The following PPM1A variants were observed in gnomAD, a reference collection of about 807,000 sequenced individuals.
The protein encoded by PPM1A is protein phosphatase 1A.
Under a neutral mutation model 35.0 loss-of-function variants are expected in PPM1A, and 7 were observed. That is an observed-to-expected ratio of 0.20 (90% CI 0.11 to 0.38). The LOEUF (loss-of-function observed/expected upper bound fraction) is 0.38. Ranked by LOEUF, PPM1A falls within the 10% of genes least tolerant of loss-of-function variation. PPM1A has a pLI of 1.00. For missense variants in PPM1A, 239 were observed against 467.8 expected, an observed-to-expected ratio of 0.51 and a Z score of 4.51; for synonymous variants, 153 against 167.3, an observed-to-expected ratio of 0.91 and a Z score of 0.66.
Position 60,283,390 on chromosome 14 carries a change from A to T in PPM1A, c.687A>T (p.Glu229Asp), listed in dbSNP as rs753724691. The T allele has an allele frequency of 3.0e-5, 48 of 1,614,118 alleles. No homozygotes were observed. The highest frequency in any genetic ancestry group is 4.4e-5 in the South Asian group (4 of 91,092). ...PEVHDIERSEEDDQFIILACD... is the reference protein window; with the variant it reads ...PEVHDIERSEDDDQFIILACD... ...TCCATGATATTGAAAGATCTGAAGAAGATGATCAGTTCATTATCCTTGCAT... is the reference window on the plus strand; with the variant it reads ...TCCATGATATTGAAAGATCTGAAGATGATGATCAGTTCATTATCCTTGCAT... Residue 229 changes from glutamate to aspartate, a missense_variant, in exon 2 of 6, where the codon GAA becomes GAT. Physicochemically the swap from Glu to Asp is conservative, Grantham distance 45. Transcript: ENST00000395076. This position sits in a 1 kb window ranked among gnomAD's most constrained non-coding sequence, Gnocchi z 6.3.
Position 60,249,693 on chromosome 14 carries a change from G to C in PPM1A, c.-21+16G>C, listed in dbSNP as rs1595246690. ...GCTGCTCCGGGTAAGTGCGGCGCTC[G>C]GGCCGACGGCGGGCTGGCGGGCGGT... On this transcript the variant is annotated intron_variant, in intron 1 of 5. Coordinates refer to ENST00000395076, the MANE Select transcript of PPM1A (RefSeq NM_021003.5). The surrounding 1 kb of genome is among the most constrained non-coding windows in gnomAD (Gnocchi z 4.5). 8.1e-6 allele frequency: 8 copies of C among 983,764 alleles called. No homozygotes were observed. In the South Asian group the frequency reaches 2.7e-4, roughly 33 times the overall value. 60.9% of individuals were successfully genotyped at this position (983,764 alleles called of 1,614,324 possible).
chr14:60,274,712 A>G (rs1426894308), intron 1 of PPM1A, among the ~76,000 whole-genome samples: 3 of 97,436 alleles, frequency 3.1e-5, no homozygotes, highest in African/African-American at 1.5e-4. Flanking sequence ...GTAGTATCCA[A>G]TCTGCCATTC....
intron 1 of PPM1A, among the ~76,000 whole-genome samples, chr14:60,276,063 T>G (rs1218116270): frequency 1.3e-5 from 2 of 152,200 alleles, no homozygotes; most frequent in Non-Finnish European, 2.9e-5. Flanking sequence ...ACCCCAGGTA[T>G]GCAGTATATT....
At chr14:60,280,862 G>C (rs943331890) in intron 1 of PPM1A, among the ~76,000 whole-genome samples, 11 of 152,204 alleles carry the variant, frequency 7.2e-5, no homozygotes, top group Non-Finnish European at 1.6e-4. Flanking sequence ...AAAGTCCACA[G>C]ATAATTCTGT....
At chr14:60,276,469 G>T (rs1885773086) in intron 1 of PPM1A, among the ~76,000 whole-genome samples, 1 of 152,098 alleles carries the variant, frequency 6.6e-6, no homozygotes. Context: ...CTAGTTACCA[G>T]TATCCACCCT....
In PPM1A at chr14:60,298,603, C is replaced by T. The variant is rs1196315174; in HGVS notation, c.*6121C>T. ...ATCCCTTGACTAAATAGCATATCTG[C>T]AGGAAAATATCTTGTTTGTAGTGAT... On this transcript the variant is annotated 3_prime_UTR_variant, in exon 6 of 6. Coordinates refer to ENST00000395076, the MANE Select transcript of PPM1A (RefSeq NM_021003.5). The T allele has an allele frequency of 1.3e-5, 2 of 151,682 alleles. No homozygotes were observed. Among genetic ancestry groups the T allele is most frequent in the Non-Finnish European group, 3.0e-5 (2 of 67,716 alleles). The allele number at this position is 151,682 out of a possible 1,614,324, so 9.4% of individuals were successfully genotyped here.
chr14:60,259,544 T>C (rs1233662641), intron 1 of PPM1A, among the ~76,000 whole-genome samples: 1 of 152,058 alleles, frequency 6.6e-6, no homozygotes, highest in African/African-American at 2.4e-5. Context: ...ACTAGGAATT[T>C]AATCCACTTC....
At chr14:60,267,155 CTT>C (rs1248671665) in intron 1 of PPM1A, 6 of 152,046 alleles carry the variant, frequency 3.9e-5, no homozygotes, top group Admixed American at 6.5e-5. Context: ...TTTTATGCCT[CTT>C]TTTGTTAGCC....
chr14:60,285,484 G>GCGTA, intron 2 of PPM1A, 140 bp from the exon 3 acceptor site: 2 of 857,576 alleles, frequency 2.3e-6, no homozygotes, highest in South Asian at 3.5e-5. Flanking sequence ...ACGCATGCGT[G>GCGTA]CACATATGTA....
intron 1 of PPM1A, chr14:60,267,324 A>C (rs143451480): frequency 3.3e-5 from 5 of 152,204 alleles, no homozygotes; most frequent in Admixed American, 1.3e-4. Context: ...AATTTTATCA[A>C]ATCCCTTTCA....
intron 1 of PPM1A, among the ~76,000 whole-genome samples, chr14:60,266,042 A>AT (rs1884337086): frequency 6.6e-6 from 1 of 152,014 alleles, no homozygotes; most frequent in East Asian, 1.9e-4. Context: ...TGAGAGGTAT[A>AT]TTTTTTTATT....
At chr14:60,285,195 A>G (rs1489336567) in intron 2 of PPM1A, among the ~76,000 whole-genome samples, 1 of 152,234 alleles carries the variant, frequency 6.6e-6, no homozygotes, top group Non-Finnish European at 1.5e-5. Context: ...TCAGGTACAT[A>G]TAACTACAGG....
rs1885365058 is a variant in PPM1A at position 60,273,196 on chromosome 14, T to C, written c.-20-9488T>C. Reference sequence around the variant, plus strand: ...AGTTTATTCAGCAAATATTTATTAATGATTTACTGTATACTCTGTGCTTGG... The same window carrying C: ...AGTTTATTCAGCAAATATTTATTAACGATTTACTGTATACTCTGTGCTTGG... On this transcript the variant is annotated intron_variant, in intron 1 of 5. Transcript: ENST00000395076. This position sits in a 1 kb window ranked among gnomAD's most constrained non-coding sequence, Gnocchi z 4.3. Among the ~76,000 whole-genome samples, 1 of 152,230 alleles carries C rather than the reference T, an allele frequency of 6.6e-6. No individual in the cohort carries two copies. Among genetic ancestry groups the C allele is most frequent in the Admixed American group, 6.5e-5 (1 of 15,292 alleles).
At chr14:60,248,459 G>C (rs1378711765), upstream of PPM1A, among the ~76,000 whole-genome samples, 1 of 152,244 alleles carries the variant, frequency 6.6e-6, no homozygotes, top group African/African-American at 2.4e-5. Flanking sequence ...TGTGCCCCGT[G>C]CGTGAATCAG....
intron 4 of PPM1A, among the ~76,000 whole-genome samples, chr14:60,290,995 ATATAAAG>A (rs1363435573): frequency 2.0e-5 from 3 of 152,164 alleles, no homozygotes; most frequent in African/African-American, 4.8e-5. Flanking sequence ...AGAAGCTTAA[ATATAAAG>A]TATAATCTGA....
chr14:60,274,057 A>C (rs1473260393), intron 1 of PPM1A, among the ~76,000 whole-genome samples: 1 of 152,240 alleles, frequency 6.6e-6, no homozygotes, highest in Non-Finnish European at 1.5e-5. Flanking sequence ...GAGGCAGCAT[A>C]GAATGGGAAA....
rs145527783 is a variant in PPM1A at position 60,271,882 on chromosome 14, A to G, written c.-20-10802A>G. ...CCTAGAACTTTAGTCTTCTCATGTA[A>G]CATTTTATACATTTCTCAGAACAAG... On this transcript the variant is annotated intron_variant, in intron 1 of 5. Coordinates refer to ENST00000395076, the MANE Select transcript of PPM1A (RefSeq NM_021003.5). Among the ~76,000 whole-genome samples the G allele has an allele frequency of 1.6e-4, 24 of 152,260 alleles. 1 individual carries two copies. In the East Asian group the frequency reaches 4.2e-3, roughly 27 times the overall value.
intron 1 of PPM1A, among the ~76,000 whole-genome samples, chr14:60,259,151 A>G (rs1363885241): frequency 7.2e-5 from 11 of 152,146 alleles, no homozygotes; most frequent in Admixed American, 7.2e-4. Flanking sequence ...AAAAAATTGC[A>G]TGTCACAATT....
upstream of PPM1A, chr14:60,245,993 A>G: frequency 6.3e-7 from 1 of 1,579,982 alleles, no homozygotes; most frequent in Non-Finnish European, 8.6e-7. The surrounding 1 kb of genome is among the most constrained non-coding windows in gnomAD (Gnocchi z 4.2). Flanking sequence ...AGGAGAAATG[A>G]GAAAAGAGGA....
Sources: gnomAD v4.1 joint callset for allele counts (sites outside exome capture counted in the v4.1 genomes callset) on GRCh38, gnomAD v4.1.1 for gene constraint, Gnocchi (gnomAD v3.1) non-coding constraint, MANE v1.5 for transcripts, NCBI Gene and HGNC (gene_info 2026-07-23, HGNC 2026-07-21) for gene names.